Variants in KIF6 observed in about 807,000 individuals in gnomAD.
KIF6 encodes the protein kinesin family member 6, also known as kinesin-like protein KIF6.
In KIF6, 106 loss-of-function variants were observed where a neutral mutation model predicts 112.7. That is an observed-to-expected ratio of 0.94 (90% CI 0.80 to 1.11). KIF6 has a LOEUF of 1.11. KIF6 is among the 50% of genes least tolerant of loss of function. The probability of loss-of-function intolerance (pLI) is 0.00; values close to 1 mark genes in which losing one functional copy is unlikely to be tolerated. For missense variants in KIF6, 929 were observed against 964.0 expected, an observed-to-expected ratio of 0.96 and a Z score of 0.48; for synonymous variants, 339 against 339.9, an observed-to-expected ratio of 1.00 and a Z score of 0.03.
chr6:39,675,130 G>T (rs747728847), intron 3 of KIF6, among the ~76,000 whole-genome samples: 1 of 151,986 alleles, frequency 6.6e-6, no homozygotes, highest in Non-Finnish European at 1.5e-5. Flanking sequence ...CCAAAACAAA[G>T]AAGTAAATGA....
chr6:39,577,319 G>A (rs1317712687), intron 10 of KIF6, among the ~76,000 whole-genome samples: 1 of 152,214 alleles, frequency 6.6e-6, no homozygotes, highest in Non-Finnish European at 1.5e-5. Flanking sequence ...TCCATTGAGG[G>A]AGGGTTAGGT....
intron 3 of KIF6, among the ~76,000 whole-genome samples, chr6:39,678,695 A>ATT: frequency 6.6e-6 from 1 of 152,330 alleles, no homozygotes; most frequent in South Asian, 2.1e-4. Context: ...ACTCAGCAAC[A>ATT]AAGACCTATA....
chr6:39,548,639 C>T (rs949490151), intron 10 of KIF6, among the ~76,000 whole-genome samples: 11 of 152,190 alleles, frequency 7.2e-5, no homozygotes, highest in African/African-American at 1.9e-4. Context: ...CAGATGTTTT[C>T]GTTGTACTCC....
intron 10 of KIF6, among the ~76,000 whole-genome samples, chr6:39,558,157 T>C (rs115033665): frequency 0.016 from 2,477 of 152,216 alleles, 65 homozygotes; most frequent in African/African-American, 0.057. Context: ...TATACCATAC[T>C]TGCTGTTAGG....
At chr6:39,337,172 C>CTTCCTTCT (rs1554195076) in intron 22 of KIF6, among the ~76,000 whole-genome samples, 35 of 59,506 alleles carry the variant, frequency 5.9e-4, no homozygotes, top group African/African-American at 7.3e-4. Flanking sequence ...TCTTTCCTTC[C>CTTCCTTCT]TTCTTTCTTT....
intron 13 of KIF6, among the ~76,000 whole-genome samples, chr6:39,525,330 G>A (rs529098201): frequency 1.2e-3 from 187 of 152,240 alleles, no homozygotes; most frequent in African/African-American, 3.6e-3. Flanking sequence ...CTAGGTTTAC[G>A]GGCAAGAGCT....
At chr6:39,474,016 G>A (rs539783365) in intron 13 of KIF6, among the ~76,000 whole-genome samples, 3 of 152,198 alleles carry the variant, frequency 2.0e-5, no homozygotes, top group Admixed American at 1.3e-4. Context: ...TCCGATCCCC[G>A]AAAATAAAAT....
chr6:39,597,467 C>T (rs189630451), intron 6 of KIF6, among the ~76,000 whole-genome samples: 40 of 152,222 alleles, frequency 2.6e-4, no homozygotes, highest in Middle Eastern at 3.4e-3. Context: ...ACATGCTGTG[C>T]TCACTGAGGA....
In KIF6 at chr6:39,335,214, G is replaced by A. The variant is rs1162466434; in HGVS notation, c.*1318C>T. ...GCAGAAAAAATGGTAATGGGATAGG[G>A]GATAACTAGGGGGTGACTCGAGATG... On this transcript the variant is annotated 3_prime_UTR_variant, in exon 23 of 23. Transcript: ENST00000287152. 1 of 152,076 alleles carries A rather than the reference G, an allele frequency of 6.6e-6. No homozygotes were observed. The highest frequency in any genetic ancestry group is 1.5e-5 in the Non-Finnish European group (1 of 68,034). 9.4% of individuals were successfully genotyped at this position (152,076 alleles called of 1,614,324 possible). A position where few individuals can be genotyped will look rare whatever the true frequency, so the allele number is the denominator to read the frequency against.
intron 6 of KIF6, 97 bp downstream of exon 6, chr6:39,613,092 C>T (rs572107280): frequency 9.6e-6 from 9 of 938,198 alleles, no homozygotes; most frequent in African/African-American, 6.9e-5. Flanking sequence ...TCATTGTTGG[C>T]CCTAAACTTC....
intron 10 of KIF6, among the ~76,000 whole-genome samples, chr6:39,563,435 A>G (rs888497764): frequency 6.6e-6 from 1 of 152,214 alleles, no homozygotes; most frequent in African/African-American, 2.4e-5. Context: ...TATTTTATAA[A>G]ACTAACAGTA....
chr6:39,374,507 T>C (rs1406941360), intron 16 of KIF6, among the ~76,000 whole-genome samples: 3 of 152,068 alleles, frequency 2.0e-5, no homozygotes, highest in Non-Finnish European at 2.9e-5. Flanking sequence ...AAATATATAA[T>C]GGACTCAAGC....
In KIF6 at chr6:39,578,074, G is replaced by A. The variant is rs370862448; in HGVS notation, c.1163C>T (p.Thr388Ile). 8.7e-6 allele frequency: 14 copies of A among 1,613,164 alleles called. No individual in the cohort carries two copies. Among genetic ancestry groups the A allele is most frequent in the Non-Finnish European group, 1.2e-5 (14 of 1,179,316 alleles). Reference sequence around the variant, plus strand: ...GACTTACTGAAGGAGCTCTGCTTCTGTGAGTGCCTCTGTCCTCTGCTCCCC... The same window carrying A: ...GACTTACTGAAGGAGCTCTGCTTCTATGAGTGCCTCTGTCCTCTGCTCCCC... ...VTGEQRTEAL[T>I]EAELLQLEKL... Residue 388 changes from threonine to isoleucine, a missense_variant, in exon 10 of 23, where the codon ACA (threonine) becomes ATA (isoleucine). By Grantham distance (89) the Thr-to-Ile change is moderately conservative. Coordinates refer to ENST00000287152, the MANE Select transcript of KIF6 (RefSeq NM_145027.6).
At chr6:39,511,802 T>C (rs1279205308) in intron 13 of KIF6, among the ~76,000 whole-genome samples, 1 of 152,182 alleles carries the variant, frequency 6.6e-6, no homozygotes, top group African/African-American at 2.4e-5. Flanking sequence ...GGAACATAGA[T>C]GAAGCTGGAA....
chr6:39,461,102 G>C (rs1418716686), intron 13 of KIF6, among the ~76,000 whole-genome samples: 1 of 152,194 alleles, frequency 6.6e-6, no homozygotes, highest in Non-Finnish European at 1.5e-5. Flanking sequence ...GGTCAAAAGA[G>C]AGTTTTGCAA....
At position 39,336,379 on chromosome 6, in the gene KIF6, A is replaced by G. The variant is rs1357124656; in HGVS notation, c.*153T>C. 4 of 734,150 alleles carry G rather than the reference A, an allele frequency of 5.4e-6. No homozygotes were observed. Among genetic ancestry groups the G allele is most frequent in the African/African-American group, 1.8e-5 (1 of 56,898 alleles). 45.5% of individuals were successfully genotyped at this position (734,150 alleles called of 1,614,324 possible). On this transcript the variant is annotated 3_prime_UTR_variant, in exon 23 of 23. Transcript: ENST00000287152. The stretch of plus-strand genomic sequence containing the variant: ...CGGTGGCCTCCAGGTCAGCATCCTT[A>G]AAGAAACACAGTCCCCTCCATGGGA...
chr6:39,654,330 C>T (rs577260131), intron 3 of KIF6, among the ~76,000 whole-genome samples: 3 of 152,286 alleles, frequency 2.0e-5, no homozygotes, highest in East Asian at 3.9e-4. Context: ...CTCTCTTAGT[C>T]TCATCTATTC....
At chr6:39,487,986 T>C (rs1775220735) in intron 13 of KIF6, among the ~76,000 whole-genome samples, 1 of 136,508 alleles carries the variant, frequency 7.3e-6, no homozygotes, top group South Asian at 2.7e-4. Flanking sequence ...CTTGCATTTA[T>C]AGGCATCTAT....
chr6:39,715,260 C>A (rs1789767863), intron 2 of KIF6, among the ~76,000 whole-genome samples: 1 of 152,032 alleles, frequency 6.6e-6, no homozygotes, highest in African/African-American at 2.4e-5. Flanking sequence ...GTGCTATATC[C>A]TAGCATCAAC....
Sources: allele counts gnomAD v4.1 joint callset (sites outside exome capture counted in the v4.1 genomes callset), GRCh38; gene constraint gnomAD v4.1.1; transcripts MANE v1.5; gene names NCBI Gene and HGNC (gene_info 2026-07-23, HGNC 2026-07-21).